Variants in JAM2 observed in about 807,000 individuals in gnomAD.
The protein encoded by JAM2 is junctional adhesion molecule B.
JAM2 carries 17 observed loss-of-function variants against 42.0 expected under a neutral mutation model. That is an observed-to-expected ratio of 0.40 (90% CI 0.28 to 0.61). The LOEUF is 0.61. Ranked by LOEUF, JAM2 falls within the 20% of genes least tolerant of loss-of-function variation. The pLI, the probability that JAM2 is intolerant of heterozygous loss-of-function variation, is 0.37. For missense variants in JAM2, 319 were observed against 358.3 expected (o/e 0.89, Z 0.89); for synonymous variants, 118 against 128.6 (o/e 0.92, Z 0.56).
chr21:25,672,972 T>G (rs1451208294), intron 1 of JAM2, among the ~76,000 whole-genome samples: 1 of 152,232 alleles, frequency 6.6e-6, no homozygotes, highest in Non-Finnish European at 1.5e-5. Flanking sequence ...TTATTTTGTC[T>G]TGATAGTCTA....
intron 6 of JAM2, among the ~76,000 whole-genome samples, chr21:25,703,090 G>A (rs747097194): frequency 5.9e-5 from 9 of 152,284 alleles, no homozygotes; most frequent in Non-Finnish European, 1.2e-4. Context: ...GACCTCAGGT[G>A]ATCCGCCCAC....
intron 3 of JAM2, 24 bp downstream of exon 3, chr21:25,689,997 G>A: frequency 1.4e-6 from 2 of 1,447,632 alleles, no homozygotes; most frequent in Non-Finnish European, 1.9e-6. Context: ...GGCTTGAAGA[G>A]GTGTGAGCAA....
At chr21:25,687,590 G>A (rs9975977) in intron 2 of JAM2, among the ~76,000 whole-genome samples, 36,136 of 152,038 alleles carry the variant, frequency 0.24, 4,511 homozygotes, top group South Asian at 0.31. Flanking sequence ...CTCTGCATTT[G>A]TTTCTTATGG....
intron 5 of JAM2, among the ~76,000 whole-genome samples, chr21:25,699,131 G>A (rs552776398): frequency 6.6e-6 from 1 of 152,108 alleles, no homozygotes; most frequent in African/African-American, 2.4e-5. Flanking sequence ...AGGGGCAAAG[G>A]CTCCTGAAAC....
intron 5 of JAM2, among the ~76,000 whole-genome samples, chr21:25,701,466 C>T (rs559905364): frequency 1.4e-5 from 2 of 145,470 alleles, no homozygotes; most frequent in Middle Eastern, 3.5e-3. Flanking sequence ...CTTTTCTCCT[C>T]TTCTTCCTTT....
intron 1 of JAM2, among the ~76,000 whole-genome samples, chr21:25,646,574 AAGAGAGAGAGAGAGAAGG>A (rs1266946394): frequency 1.5e-5 from 2 of 137,570 alleles, no homozygotes; most frequent in African/African-American, 5.0e-5. Context: ...TGTGGGGGGA[AAGAGAGAGAGAGAGAAGG>A]AGAGAGAGAG....
At chr21:25,714,442 G>C in intron 9 of JAM2, 198 bp from the exon 10 acceptor site, 1 of 497,952 alleles carries the variant, frequency 2.0e-6, no homozygotes, top group Non-Finnish European at 3.5e-6. Flanking sequence ...AGGTTGCAGT[G>C]AGCTGAGATC....
chr21:25,648,644 C>G (rs1305935942), intron 1 of JAM2, among the ~76,000 whole-genome samples: 1 of 152,230 alleles, frequency 6.6e-6, no homozygotes, highest in Non-Finnish European at 1.5e-5. Flanking sequence ...TCCAACTCAT[C>G]AATTCCTCAA....
Position 25,714,710 on chromosome 21 carries a change from T to C in JAM2, c.*38T>C. ...AGAGATACACCAAAGCCACCGTTGT[T>C]ACACAAGTTATTAAACTATTATAAA... is the stretch of plus-strand genomic sequence containing the variant. On this transcript the variant is annotated 3_prime_UTR_variant, in exon 10 of 10. Coordinates refer to ENST00000480456, the MANE Select transcript of JAM2 (RefSeq NM_021219.4). 1 of 1,342,750 alleles carries C rather than the reference T, an allele frequency of 7.4e-7. No individual in the cohort carries two copies. The allele number at this position is 1,342,750 out of a possible 1,614,324, so 83.2% of individuals were successfully genotyped here.
intron 1 of JAM2, among the ~76,000 whole-genome samples, chr21:25,664,245 T>A (rs1013518150): frequency 6.6e-6 from 1 of 151,004 alleles, no homozygotes; most frequent in Non-Finnish European, 1.5e-5. Context: ...ACTTATTTAT[T>A]TTTTTTTTGA....
At chr21:25,698,926 T>TA in intron 5 of JAM2, 47 bp downstream of exon 5, 4 of 1,507,986 alleles carry the variant, frequency 2.7e-6, no homozygotes, top group Non-Finnish European at 3.7e-6. Flanking sequence ...TGCATTTGGA[T>TA]AAAAAAATTA....
intron 2 of JAM2, among the ~76,000 whole-genome samples, chr21:25,686,747 T>C (rs183307139): frequency 2.6e-5 from 4 of 152,360 alleles, no homozygotes; most frequent in African/African-American, 4.8e-5. Flanking sequence ...AATTCTCTTT[T>C]TGTGTTATGT....
intron 8 of JAM2, chr21:25,711,218 T>C (rs1351351860): frequency 6.8e-6 from 2 of 295,422 alleles, no homozygotes; most frequent in Non-Finnish European, 1.3e-5. Context: ...GTAGAGGTTA[T>C]CAGTAACTGA....
chr21:25,649,482 C>T (rs2032710873), intron 1 of JAM2, among the ~76,000 whole-genome samples: 1 of 152,176 alleles, frequency 6.6e-6, no homozygotes, highest in Non-Finnish European at 1.5e-5. Flanking sequence ...GAGGTAACCA[C>T]TTCCATGATT....
At chr21:25,659,400 C>A (rs1007792184) in intron 1 of JAM2, among the ~76,000 whole-genome samples, 35 of 152,082 alleles carry the variant, frequency 2.3e-4, no homozygotes, top group African/African-American at 8.4e-4. Context: ...GATGATAGGA[C>A]ACAAGGCTGT....
intron 1 of JAM2, among the ~76,000 whole-genome samples, chr21:25,648,617 G>A (rs892659430): frequency 1.6e-4 from 25 of 152,040 alleles, no homozygotes; most frequent in Admixed American, 2.6e-4. Context: ...AATTCCTTGC[G>A]CCTTCTCTTA....
At chr21:25,669,289 T>C (rs1254414032) in intron 1 of JAM2, among the ~76,000 whole-genome samples, 1 of 151,660 alleles carries the variant, frequency 6.6e-6, no homozygotes, top group African/African-American at 2.4e-5. Flanking sequence ...GGGGATCACC[T>C]GAGCCCGGGG....
chr21:25,687,033 T>C (rs2033766440), intron 2 of JAM2, among the ~76,000 whole-genome samples: 1 of 152,242 alleles, frequency 6.6e-6, no homozygotes, highest in Admixed American at 6.5e-5. Context: ...TGAGAAAATA[T>C]AATTTATATC....
At chr21:25,679,677 C>T (rs564666401) in intron 1 of JAM2, among the ~76,000 whole-genome samples, 135 of 152,362 alleles carry the variant, frequency 8.9e-4, no homozygotes, top group African/African-American at 3.1e-3. Flanking sequence ...TGGTGTCCTA[C>T]TTTCCTAGAT....
Sources: gnomAD v4.1 joint callset for allele counts (sites outside exome capture counted in the v4.1 genomes callset) on GRCh38, gnomAD v4.1.1 for gene constraint, MANE v1.5 for transcripts, NCBI Gene and HGNC (gene_info 2026-07-23, HGNC 2026-07-21) for gene names.